SMPD4: variants seen among roughly 807,000 people sequenced by gnomAD.
SMPD4 encodes the protein sphingomyelin phosphodiesterase 4, also known as neutral sphingomyelinase 3.
SMPD4 carries 58 observed loss-of-function variants against 97.8 expected under a neutral mutation model. The ratio of observed to expected loss-of-function variants is 0.59; its 90% CI spans 0.48 to 0.74. SMPD4 has a LOEUF of 0.74. Among genes scored for constraint, SMPD4 ranks in the 30% least tolerant of loss-of-function variants. The pLI, the probability that SMPD4 is intolerant of heterozygous loss-of-function variation, is 0.00. For synonymous variants in SMPD4, 388 were observed against 450.0 expected (o/e 0.86, Z 1.74); for missense variants, 853 against 1,080.5 (o/e 0.79, Z 2.95).
At chr2:130,156,294 G>A in intron 13 of SMPD4, 159 bp from the exon 14 acceptor site, 1 of 720,324 alleles carries the variant, frequency 1.4e-6, no homozygotes. Flanking sequence ...TTTGGCTCTT[G>A]CTGGCCCTCC....
intron 16 of SMPD4, 149 bp from the exon 17 acceptor site, chr2:130,154,084 C>T (rs993724852): frequency 1.0e-5 from 11 of 1,087,130 alleles, no homozygotes; most frequent in Middle Eastern, 3.1e-4. Flanking sequence ...TGATCTTCTA[C>T]ATTTGAAATT....
At chr2:130,164,807 T>C (rs112705990) in intron 9 of SMPD4, among the ~76,000 whole-genome samples, 6,683 of 152,026 alleles carry the variant, frequency 0.044, 474 homozygotes, top group African/African-American at 0.15. Context: ...ATACTATAGA[T>C]AGAGTAAAAA....
At chr2:130,159,055 C>T (rs1448547883) in intron 11 of SMPD4, among the ~76,000 whole-genome samples, 1 of 152,042 alleles carries the variant, frequency 6.6e-6, no homozygotes, top group Admixed American at 6.6e-5. Context: ...GCTGTAGTGT[C>T]GTGGTCTCGG....
rs575867657 is a variant in SMPD4 at position 130,178,934 on chromosome 2, G to C, written c.-45-2297C>G. On this transcript the variant is annotated intron_variant, in intron 1 of 19. Coordinates refer to ENST00000680298, the MANE Select transcript of SMPD4 (RefSeq NM_017951.5). ...ACAGGAAGTCTGCCAAGTCCCACTGGTGGGCTAGTTACAGTTTTCATGGCC... is the reference window on the plus strand; with the variant it reads ...ACAGGAAGTCTGCCAAGTCCCACTGCTGGGCTAGTTACAGTTTTCATGGCC... Among the ~76,000 whole-genome samples, 6 of 152,230 alleles carry C rather than the reference G, an allele frequency of 3.9e-5. No homozygotes were observed. In the South Asian group the frequency reaches 1.2e-3, roughly 32 times the overall value.
chr2:130,178,404 CA>C (rs1440848377), intron 1 of SMPD4, among the ~76,000 whole-genome samples: 7 of 152,174 alleles, frequency 4.6e-5, no homozygotes, highest in South Asian at 2.1e-4. Context: ...AAAACTGAGA[CA>C]GGGGCAAATC....
chr2:130,152,911 T>G (rs765335407), intron 19 of SMPD4, 27 bp from the exon 20 acceptor site: 2 of 1,565,252 alleles, frequency 1.3e-6, no homozygotes, highest in East Asian at 4.5e-5. Context: ...GGCACGGGGA[T>G]GTGGGGTGGT....
At chr2:130,155,407 G>A (rs1686678447) in intron 14 of SMPD4, 148 bp from the exon 15 acceptor site, 4 of 1,056,484 alleles carry the variant, frequency 3.8e-6, no homozygotes, top group Middle Eastern at 2.9e-4. Context: ...TGACAGCTCA[G>A]GGGGCCACGG....
At chr2:130,180,027 G>C (rs1489845954) in intron 1 of SMPD4, among the ~76,000 whole-genome samples, 1 of 147,146 alleles carries the variant, frequency 6.8e-6, no homozygotes, top group African/African-American at 2.5e-5. Context: ...GCAGTGGCGC[G>C]ATCTGGGCTC....
chr2:130,154,634 G>A, intron 15 of SMPD4, 152 bp from the exon 16 acceptor site: 1 of 1,035,360 alleles, frequency 9.7e-7, no homozygotes, highest in East Asian at 2.6e-5. Context: ...CTCCCACACA[G>A]TAGGTGGCTG....
chr2:130,176,103 ATGAGCCAC>A (rs1158221583), intron 2 of SMPD4, among the ~76,000 whole-genome samples: 1 of 152,126 alleles, frequency 6.6e-6, no homozygotes, highest in Non-Finnish European at 1.5e-5. Context: ...AACTCCAGGC[ATGAGCCAC>A]TGCACCCAGT....
At chr2:130,171,839 T>C (rs1688494408) in intron 8 of SMPD4, among the ~76,000 whole-genome samples, 2 of 152,200 alleles carry the variant, frequency 1.3e-5, no homozygotes, top group Admixed American at 6.5e-5. Flanking sequence ...CGGCCTGCGT[T>C]AGTGCCCACT....
rs1265763977 is a variant in SMPD4 at position 130,153,361 on chromosome 2, C to G, written c.1983G>C (p.Val661=). 2 of 1,613,760 alleles carry G rather than the reference C, an allele frequency of 1.2e-6. No homozygotes were observed. The highest frequency in any genetic ancestry group is 2.7e-5 in the African/African-American group (2 of 74,946). The change falls in exon 18 of 20, where the codon GTG becomes GTC. Residue 661 remains valine, a synonymous_variant. Transcript: ENST00000680298. ...NGKKQLPDCI[V]GEDGLILTPL... ...GCGTAAGGATGAGTCCGTCCTCACC[C>G]ACGATGCAGTCGGGGAGTTGCTTTT...
intron 9 of SMPD4, 138 bp from the exon 10 acceptor site, chr2:130,164,583 C>T (rs1573696574): frequency 6.0e-6 from 4 of 668,968 alleles, no homozygotes; most frequent in South Asian, 3.9e-5. Flanking sequence ...TGGGCCCTTC[C>T]TTCACACCAT....
intron 10 of SMPD4, among the ~76,000 whole-genome samples, chr2:130,162,053 G>A (rs1250995173): frequency 2.6e-5 from 4 of 152,286 alleles, no homozygotes; most frequent in South Asian, 4.1e-4. Flanking sequence ...TAGTCTGGAC[G>A]TCAGCTAAGG....
At chr2:130,179,541 C>G (rs1689295413) in intron 1 of SMPD4, among the ~76,000 whole-genome samples, 1 of 152,022 alleles carries the variant, frequency 6.6e-6, no homozygotes, top group Non-Finnish European at 1.5e-5. Context: ...GGCCTGCCAC[C>G]ACAGGCTGCC....
chr2:130,157,219 G>A (rs755596059), intron 12 of SMPD4, 32 bp downstream of exon 12: 62 of 1,549,224 alleles, frequency 4.0e-5, no homozygotes, highest in East Asian at 4.8e-5. Context: ...TGGGGGAGAC[G>A]GCAGTGGTGG....
Position 130,151,840 on chromosome 2 carries a change from C to G in SMPD4, c.*715G>C, listed in dbSNP as rs1236841968. 2.0e-5 allele frequency: 3 copies of G among 151,912 alleles called. No individual in the cohort carries two copies. The highest frequency in any genetic ancestry group is 7.3e-5 in the African/African-American group (3 of 41,232). 9.4% of individuals were successfully genotyped at this position (151,912 alleles called of 1,614,324 possible). On this transcript the variant is annotated 3_prime_UTR_variant, in exon 20 of 20. Coordinates refer to ENST00000680298, the MANE Select transcript of SMPD4 (RefSeq NM_017951.5). ...AGCAGTGTCCCCAACGCCTGAGGACCAGCACCCATCTGTGACAAGGCACAG... is the reference window on the plus strand; with the variant it reads ...AGCAGTGTCCCCAACGCCTGAGGACGAGCACCCATCTGTGACAAGGCACAG...
At chr2:130,177,297 C>T (rs1046546483) in intron 1 of SMPD4, among the ~76,000 whole-genome samples, 2 of 152,188 alleles carry the variant, frequency 1.3e-5, no homozygotes, top group Non-Finnish European at 2.9e-5. Flanking sequence ...GCTTAGACTG[C>T]TCTTGAACTC....
chr2:130,167,923 CA>C (rs1688086306), intron 8 of SMPD4, among the ~76,000 whole-genome samples: 1 of 152,182 alleles, frequency 6.6e-6, no homozygotes, highest in Admixed American at 6.5e-5. Flanking sequence ...CATGGGGGTT[CA>C]CACCTGTGAG....
Sources: allele counts gnomAD v4.1 joint callset (sites outside exome capture counted in the v4.1 genomes callset), GRCh38; gene constraint gnomAD v4.1.1; transcripts MANE v1.5; gene names NCBI Gene and HGNC (gene_info 2026-07-23, HGNC 2026-07-21).